The following ARFGEF2 variants were observed in gnomAD, a reference collection of about 807,000 sequenced individuals.
ARFGEF2 encodes the protein ARF guanine nucleotide exchange factor 2.
Under a neutral mutation model 219.9 loss-of-function variants are expected in ARFGEF2, and 74 were observed. The ratio of observed to expected loss-of-function variants is 0.34; its 90% CI spans 0.28 to 0.41. The LOEUF (loss-of-function observed/expected upper bound fraction) is 0.41, where lower values mean the gene tolerates loss of function less well. Among genes scored for constraint, ARFGEF2 ranks in the 10% least tolerant of loss-of-function variants. The pLI is 1.00. For synonymous variants in ARFGEF2, 733 were observed against 799.2 expected (o/e 0.92, Z 1.40); for missense variants, 1,743 against 2,218.3 (o/e 0.79, Z 4.30).
At chr20:48,980,954 T>C (rs2091292080) in intron 14 of ARFGEF2, among the ~76,000 whole-genome samples, 1 of 152,244 alleles carries the variant, frequency 6.6e-6, no homozygotes, top group Non-Finnish European at 1.5e-5. Context: ...TCTGTGTCTT[T>C]TAATTGGGGC....
rs142031216 is a variant in ARFGEF2 at position 48,983,624 on chromosome 20, A to G, written c.1959-1105A>G. ...TCCTGCCAATTCCCCTGAGTCACAC[A>G]ATGTATTTTCAGTCCCTTGAACACC... On this transcript the variant is annotated intron_variant, in intron 14 of 38. Transcript: ENST00000371917. Among the ~76,000 whole-genome samples, 1,182 of 152,248 alleles carry G rather than the reference A, an allele frequency of 7.8e-3. 18 individuals are homozygous for G. Among genetic ancestry groups the G allele is most frequent in the African/African-American group, 0.026 (1,087 of 41,552 alleles).
chr20:48,948,843 A>C (rs1315876680), intron 3 of ARFGEF2, among the ~76,000 whole-genome samples: 1 of 152,230 alleles, frequency 6.6e-6, no homozygotes, highest in East Asian at 1.9e-4. Context: ...TTGCGTTAGC[A>C]AGGAACAAGG....
intron 7 of ARFGEF2, 61 bp from the exon 8 acceptor site, chr20:48,965,811 G>A (rs558746090): frequency 2.5e-6 from 4 of 1,603,304 alleles, no homozygotes; most frequent in Middle Eastern, 1.7e-4. Context: ...TTTGGTGTCA[G>A]GCAGCCCTTT....
At chr20:48,953,118 A>G (rs2091081465) in intron 5 of ARFGEF2, among the ~76,000 whole-genome samples, 1 of 150,768 alleles carries the variant, frequency 6.6e-6, no homozygotes, top group South Asian at 2.1e-4. Context: ...TTCCTTTTAA[A>G]TATGTTATCC....
Position 48,974,916 on chromosome 20 carries a change from G to A in ARFGEF2, c.1774+42G>A, listed in dbSNP as rs772199200. ...GCCACACCCACCTCCATTCATAATA[G>A]GCTCCTACGACTGCTAGGAACAGTT... On this transcript the variant is annotated intron_variant, in intron 13 of 38. Coordinates refer to ENST00000371917, the MANE Select transcript of ARFGEF2 (RefSeq NM_006420.3). The A allele has an allele frequency of 2.2e-4, 330 of 1,506,168 alleles. 4 individuals are homozygous for A. Among genetic ancestry groups the A allele is most frequent in the Non-Finnish European group, 5.0e-5 (54 of 1,086,058 alleles). The allele number at this position is 1,506,168 out of a possible 1,614,324, so 93.3% of individuals were successfully genotyped here.
chr20:48,936,273 A>T (rs1437204870), intron 1 of ARFGEF2, among the ~76,000 whole-genome samples: 1 of 129,692 alleles, frequency 7.7e-6, no homozygotes, highest in African/African-American at 3.0e-5. Flanking sequence ...CCCCTGCCGG[A>T]CGGGGCGGCT....
intron 25 of ARFGEF2, among the ~76,000 whole-genome samples, chr20:49,003,252 G>A (rs2091436223): frequency 6.6e-6 from 1 of 151,554 alleles, no homozygotes; most frequent in African/African-American, 2.4e-5. Context: ...ACAAGTGTGA[G>A]CCACCACACC....
intron 9 of ARFGEF2, 76 bp downstream of exon 9, chr20:48,969,353 T>G: frequency 5.6e-6 from 9 of 1,611,508 alleles, no homozygotes; most frequent in Non-Finnish European, 6.8e-6. Context: ...CACACTTCCC[T>G]TGTTCCAAGA....
At chr20:49,029,573 G>A (rs919975965) in intron 37 of ARFGEF2, among the ~76,000 whole-genome samples, 2 of 151,200 alleles carry the variant, frequency 1.3e-5, no homozygotes, top group African/African-American at 2.5e-5. Flanking sequence ...ATGATATTAT[G>A]AAACATAGTC....
intron 11 of ARFGEF2, 30 bp downstream of exon 11, chr20:48,972,455 G>A: frequency 6.6e-7 from 1 of 1,516,550 alleles, no homozygotes; most frequent in East Asian, 2.3e-5. Context: ...CTCATCCACT[G>A]GACTTCTGAT....
chr20:48,923,414 A>G (rs1431697366), intron 1 of ARFGEF2, among the ~76,000 whole-genome samples: 3 of 152,228 alleles, frequency 2.0e-5, no homozygotes, highest in African/African-American at 7.2e-5. Flanking sequence ...CCTGGCTTTC[A>G]TCAGATTTTC....
intron 1 of ARFGEF2, among the ~76,000 whole-genome samples, chr20:48,925,055 T>C (rs1176402197): frequency 6.6e-6 from 1 of 152,222 alleles, no homozygotes; most frequent in Non-Finnish European, 1.5e-5. Flanking sequence ...ATTTGGTTTG[T>C]AGATGCAGTA....
intron 1 of ARFGEF2, among the ~76,000 whole-genome samples, chr20:48,936,434 G>A (rs1298577554): frequency 2.0e-5 from 3 of 148,934 alleles, no homozygotes; most frequent in Non-Finnish European, 3.0e-5. Flanking sequence ...CTGGGCGGAG[G>A]GGCTCCTCAC....
At chr20:48,951,201 C>G (rs1190493348) in intron 3 of ARFGEF2, 122 bp from the exon 4 acceptor site, 1 of 1,235,780 alleles carries the variant, frequency 8.1e-7, no homozygotes, top group Non-Finnish European at 1.2e-6. Flanking sequence ...CTGCCTGGCT[C>G]CTGGGGAGCA....
intron 21 of ARFGEF2, among the ~76,000 whole-genome samples, chr20:48,991,651 A>G (rs2091358152): frequency 6.6e-6 from 1 of 152,148 alleles, no homozygotes; most frequent in African/African-American, 2.4e-5. Context: ...TCACCCAAGG[A>G]TATAGTTACT....
At chr20:48,995,711 CAT>C (rs2091381557) in intron 22 of ARFGEF2, 70 bp from the exon 23 acceptor site, 7 of 1,314,988 alleles carry the variant, frequency 5.3e-6, no homozygotes, top group Non-Finnish European at 6.6e-6. Flanking sequence ...TGCGTGTTGA[CAT>C]AACAGGATGC....
intron 22 of ARFGEF2, 71 bp from the exon 23 acceptor site, chr20:48,995,712 A>T: frequency 7.4e-7 from 1 of 1,342,646 alleles, no homozygotes; most frequent in Non-Finnish European, 1.1e-6. Context: ...GCGTGTTGAC[A>T]TAACAGGATG....
intron 1 of ARFGEF2, among the ~76,000 whole-genome samples, chr20:48,930,813 G>A (rs888532948): frequency 1.3e-5 from 2 of 152,186 alleles, no homozygotes; most frequent in Non-Finnish European, 2.9e-5. Flanking sequence ...CTGGTGAGAC[G>A]GTATACAGAG....
At chr20:48,932,620 C>T (rs541507258) in intron 1 of ARFGEF2, among the ~76,000 whole-genome samples, 1 of 152,152 alleles carries the variant, frequency 6.6e-6, no homozygotes, top group African/African-American at 2.4e-5. Flanking sequence ...GATAATAGTC[C>T]TGCTGATGGG....
Sources: allele counts gnomAD v4.1 joint callset (sites outside exome capture counted in the v4.1 genomes callset), GRCh38; gene constraint gnomAD v4.1.1; transcripts MANE v1.5; gene names NCBI Gene and HGNC (gene_info 2026-07-23, HGNC 2026-07-21).